BNIP3: variants seen among roughly 807,000 people sequenced by gnomAD.
BNIP3 encodes BCL2 interacting protein 3.
In BNIP3, 16 loss-of-function variants were observed where a neutral mutation model predicts 23.9. The ratio of observed to expected loss-of-function variants is 0.67; its 90% CI spans 0.45 to 1.01. The LOEUF (loss-of-function observed/expected upper bound fraction) is 1.01. Ranked by LOEUF, BNIP3 falls within the 50% of genes least tolerant of loss-of-function variation. The pLI, the probability that BNIP3 is intolerant of heterozygous loss-of-function variation, is 0.00. For synonymous variants in BNIP3, 81 were observed against 89.3 expected, an observed-to-expected ratio of 0.91 and a Z score of 0.53; for missense variants, 198 against 248.7, an observed-to-expected ratio of 0.80 and a Z score of 1.37.
chr10:131,971,190 A>G, intron 3 of BNIP3: 1 of 563,048 alleles, frequency 1.8e-6, no homozygotes, highest in Non-Finnish European at 3.2e-6. Flanking sequence ...CTCCAGGGAC[A>G]GATCACCTCT....
At position 131,981,828 on chromosome 10, in the gene BNIP3, C is replaced by G. The variant is rs115488341; in HGVS notation, c.-22G>C. 1,624 of 1,445,896 alleles carry G rather than the reference C, an allele frequency of 1.1e-3. 21 individuals carry two copies. In the African/African-American group the frequency reaches 0.02, roughly 18 times the overall value. The allele number at this position is 1,445,896 out of a possible 1,614,324, so 89.6% of individuals were successfully genotyped here. On this transcript the variant is annotated 5_prime_UTR_variant, in exon 1 of 6. Coordinates refer to ENST00000368636, the MANE Select transcript of BNIP3 (RefSeq NM_004052.4). ...ACATGGCGCCAGAGGGCAACTGCGG[C>G]GATCGGAGTCCGCGCCGGGCTGCGG...
Position 131,970,836 on chromosome 10 carries a change from GC to G in BNIP3, c.389+27del. On this transcript the variant is annotated intron_variant, in intron 4 of 5. Transcript: ENST00000368636. This position sits in a 1 kb window ranked among gnomAD's most constrained non-coding sequence, Gnocchi z 4.1. ...GCTGATGTGTCCTCTGTCAAGGGGT[GC>G]CCCCGTGACACTGAGAACACACTCA... The G allele has an allele frequency of 6.2e-7, 1 of 1,614,074 alleles. No individual in the cohort carries two copies. The highest frequency in any genetic ancestry group is 8.5e-7 in the Non-Finnish European group (1 of 1,179,900).
In BNIP3 at chr10:131,979,588, G is replaced by A. The variant is rs545739023; in HGVS notation, c.46+2173C>T. Among the ~76,000 whole-genome samples, 17 of 152,252 alleles carry A rather than the reference G, an allele frequency of 1.1e-4. No individual in the cohort carries two copies. The South Asian group carries it at 2.5e-3, about 22-fold the overall frequency. Reference sequence around the variant, plus strand: ...TGCATGTTAGCAGTGACATGTCTAGGAGAAAAGGGCCAAGTTCATGGCTAC... The same window carrying A: ...TGCATGTTAGCAGTGACATGTCTAGAAGAAAAGGGCCAAGTTCATGGCTAC... On this transcript the variant is annotated intron_variant, in intron 1 of 5. Coordinates refer to ENST00000368636, the MANE Select transcript of BNIP3 (RefSeq NM_004052.4).
chr10:131,976,244 G>C lies in BNIP3; in HGVS notation c.47-2301C>G, dbSNP rs1387456097. ...CTATCTGACGATATGGAACACAAAT[G>C]CAACTTGAAGGTGTGGTGTCTCTTC... On this transcript the variant is annotated intron_variant, in intron 1 of 5. Transcript: ENST00000368636. This position sits in a 1 kb window ranked among gnomAD's most constrained non-coding sequence, Gnocchi z 4.3. 1.3e-5 allele frequency among the ~76,000 whole-genome samples: 2 copies of C among 152,196 alleles called. No homozygotes were observed. The highest frequency in any genetic ancestry group is 3.9e-4 in the East Asian group (2 of 5,188).
In BNIP3 at chr10:131,972,793, GC is replaced by G. The variant is rs145721821; in HGVS notation, c.282+240del. ...GATGGCAGGCAGGGAGGGACAGGAGGCCCCCGCTGCCTGTCCCACTCGGCGC... is the reference window on the plus strand; with the variant it reads ...GATGGCAGGCAGGGAGGGACAGGAGGCCCCGCTGCCTGTCCCACTCGGCGC... On this transcript the variant is annotated intron_variant, in intron 3 of 5. Transcript: ENST00000368636. Among the ~76,000 whole-genome samples, 1,427 of 152,286 alleles carry G rather than the reference GC, an allele frequency of 9.4e-3. 22 individuals are homozygous for G. Among genetic ancestry groups the G allele is most frequent in the African/African-American group, 0.031 (1,272 of 41,560 alleles).
rs570376010 is a variant in BNIP3 at position 131,981,919 on chromosome 10, G to A, written c.-113C>T. The A allele has an allele frequency of 5.9e-5, 73 of 1,233,464 alleles. No homozygotes were observed. In the Middle Eastern group the frequency reaches 2.3e-3, roughly 39 times the overall value. 76.4% of individuals were successfully genotyped at this position (1,233,464 alleles called of 1,614,324 possible). ...AGCGCCGCGGCCCAGCTGCGCTCCC[G>A]GACTGAGCGGAGCCCCGCAGCCCGG... On this transcript the variant is annotated 5_prime_UTR_variant, in exon 1 of 6. Coordinates refer to ENST00000368636, the MANE Select transcript of BNIP3 (RefSeq NM_004052.4).
chr10:131,977,085 C>T (rs959088777), intron 1 of BNIP3, among the ~76,000 whole-genome samples: 1 of 152,096 alleles, frequency 6.6e-6, no homozygotes, highest in African/African-American at 2.4e-5. Context: ...CCAGCCTGAC[C>T]AACATGGTGA....
At chr10:131,977,507 G>A (rs2037088658) in intron 1 of BNIP3, among the ~76,000 whole-genome samples, 2 of 152,166 alleles carry the variant, frequency 1.3e-5, no homozygotes, top group South Asian at 4.1e-4. Context: ...CTCTGTTCTG[G>A]AGGCTGGGAA....
At chr10:131,977,339 A>G (rs2133695093) in intron 1 of BNIP3, among the ~76,000 whole-genome samples, 1 of 152,320 alleles carries the variant, frequency 6.6e-6, no homozygotes, top group South Asian at 2.1e-4. Context: ...GGAAGTAGGT[A>G]GGGTCAAGAC....
intron 3 of BNIP3, among the ~76,000 whole-genome samples, chr10:131,972,001 G>A (rs139368677): frequency 6.1e-4 from 91 of 150,186 alleles, no homozygotes; most frequent in Non-Finnish European, 1.0e-3. Context: ...ACAGTCCGTC[G>A]TCAAAGTTCT....
chr10:131,975,881 C>G (rs1437363125), intron 1 of BNIP3, among the ~76,000 whole-genome samples: 2 of 152,322 alleles, frequency 1.3e-5, no homozygotes, highest in South Asian at 2.1e-4. Flanking sequence ...CAAAGGCAAG[C>G]CAGGGTCTGT....
chr10:131,981,742 G>A lies in BNIP3; in HGVS notation c.46+19C>T, dbSNP rs1191537677. 1.4e-6 allele frequency: 2 copies of A among 1,459,820 alleles called. No homozygotes were observed. Among genetic ancestry groups the A allele is most frequent in the Admixed American group, 2.5e-5 (1 of 40,762 alleles). The allele number at this position is 1,459,820 out of a possible 1,614,324, so 90.4% of individuals were successfully genotyped here. On this transcript the variant is annotated intron_variant, in intron 1 of 5. Coordinates refer to ENST00000368636, the MANE Select transcript of BNIP3 (RefSeq NM_004052.4). ...CCCCCCGCGCCCCCTCGGCTCCCGC[G>A]CCGCCTCCTCCGCCTCACCCTGCAG...
At position 131,977,933 on chromosome 10, in the gene BNIP3, C is replaced by T. The variant is rs149083606; in HGVS notation, c.46+3828G>A. ...GGAAGGCACTTCCTGGAGAATGGAG[C>T]GTGCTGTGTATCTACTCACGTGTTA... On this transcript the variant is annotated intron_variant, in intron 1 of 5. Transcript: ENST00000368636. Among the ~76,000 whole-genome samples, 197 of 152,274 alleles carry T rather than the reference C, an allele frequency of 1.3e-3. 1 individual carries two copies. The highest frequency in any genetic ancestry group is 4.6e-3 in the African/African-American group (191 of 41,544).
At chr10:131,978,590 C>T (rs2037096998) in intron 1 of BNIP3, among the ~76,000 whole-genome samples, 1 of 152,124 alleles carries the variant, frequency 6.6e-6, no homozygotes, top group Non-Finnish European at 1.5e-5. Flanking sequence ...GTTCTCAAGG[C>T]CACCCTATGC....
chr10:131,975,706 C>T (rs548291168), intron 1 of BNIP3, among the ~76,000 whole-genome samples: 36 of 152,304 alleles, frequency 2.4e-4, no homozygotes, highest in South Asian at 1.0e-3. Context: ...AAAAGCAAAC[C>T]GAAGGCCCAG....
chr10:131,974,453 T>A (rs1219381859), intron 1 of BNIP3, among the ~76,000 whole-genome samples: 1 of 152,244 alleles, frequency 6.6e-6, no homozygotes, highest in East Asian at 1.9e-4. Context: ...AGTGGCACGA[T>A]GAAGGCTCAC....
chr10:131,975,877 C>T (rs2037075064), intron 1 of BNIP3, among the ~76,000 whole-genome samples: 1 of 152,222 alleles, frequency 6.6e-6, no homozygotes, highest in Non-Finnish European at 1.5e-5. Context: ...AATACAAAGG[C>T]AAGCCAGGGT....
chr10:131,972,694 C>G (rs1015988023), intron 3 of BNIP3, among the ~76,000 whole-genome samples: 18 of 152,210 alleles, frequency 1.2e-4, no homozygotes, highest in African/African-American at 4.3e-4. Flanking sequence ...TCACTGCCAC[C>G]CCTTCCAATG....
intron 3 of BNIP3, among the ~76,000 whole-genome samples, chr10:131,972,417 A>C (rs1273866795): frequency 6.6e-6 from 1 of 152,218 alleles, no homozygotes; most frequent in Non-Finnish European, 1.5e-5. Flanking sequence ...AAGTGATCTT[A>C]CACTAAATTA....
Sources: allele counts gnomAD v4.1 joint callset (sites outside exome capture counted in the v4.1 genomes callset), GRCh38; gene constraint gnomAD v4.1.1; non-coding constraint Gnocchi (gnomAD v3.1); transcripts MANE v1.5; gene names NCBI Gene and HGNC (gene_info 2026-07-23, HGNC 2026-07-21).